Variants in PDE11A observed in about 807,000 individuals in gnomAD.
PDE11A encodes the protein phosphodiesterase 11A.
In PDE11A, 100 loss-of-function variants were observed where a neutral mutation model predicts 100.5. That is an observed-to-expected ratio of 1.00 (90% confidence interval 0.85 to 1.18). The LOEUF is 1.18. Ranked by LOEUF, PDE11A falls within the 50% of genes most tolerant of loss-of-function variation. The pLI is 0.00. For missense variants in PDE11A, 1,141 were observed against 1,152.6 expected, an observed-to-expected ratio of 0.99 and a Z score of 0.15; for synonymous variants, 381 against 420.8, an observed-to-expected ratio of 0.91 and a Z score of 1.16.
chr2:177,947,713 C>A (rs546068003), intron 2 of PDE11A, among the ~76,000 whole-genome samples: 1 of 151,178 alleles, frequency 6.6e-6, no homozygotes, highest in South Asian at 2.1e-4. Context: ...CACTATTGTC[C>A]CATGACCCTG....
At chr2:177,905,034 T>A (rs1329578806) in intron 3 of PDE11A, 64 bp downstream of exon 3, 2 of 875,410 alleles carry the variant, frequency 2.3e-6, no homozygotes, top group East Asian at 2.4e-5. Flanking sequence ...TTAAAAGACA[T>A]AATGACTTAC....
In PDE11A at chr2:177,929,975, G is replaced by A. The variant is rs182857555; in HGVS notation, c.1072-24788C>T. Among the ~76,000 whole-genome samples, 104 of 152,276 alleles carry A rather than the reference G, an allele frequency of 6.8e-4. 1 individual carries two copies. Among genetic ancestry groups the A allele is most frequent in the African/African-American group, 2.4e-3 (99 of 41,546 alleles). On this transcript the variant is annotated intron_variant, in intron 2 of 19. Coordinates refer to ENST00000286063, the MANE Select transcript of PDE11A (RefSeq NM_016953.4). ...CAAAATACACTCCCTGCCAAGTAAC[G>A]GCAATGAATCACCATTTACAAGTTT...
chr2:177,941,383 T>C (rs927718713), intron 2 of PDE11A, among the ~76,000 whole-genome samples: 19 of 152,142 alleles, frequency 1.2e-4, no homozygotes, highest in African/African-American at 4.6e-4. Context: ...CCCTTCCACA[T>C]CTTTTCCACC....
intron 2 of PDE11A, among the ~76,000 whole-genome samples, chr2:177,941,073 T>A (rs765912908): frequency 3.9e-5 from 6 of 152,198 alleles, no homozygotes; most frequent in Non-Finnish European, 7.3e-5. Flanking sequence ...AAAGCGCCTT[T>A]CTCAGCTTTC....
chr2:177,902,664 CT>C (rs1365121091), intron 3 of PDE11A, among the ~76,000 whole-genome samples: 1 of 152,290 alleles, frequency 6.6e-6, no homozygotes, highest in Non-Finnish European at 1.5e-5. Context: ...TTTAAATAGC[CT>C]TTATATGCTG....
chr2:177,723,082 T>C (rs1434051670), intron 12 of PDE11A: 1 of 152,142 alleles, frequency 6.6e-6, no homozygotes, highest in Non-Finnish European at 1.5e-5. Context: ...CTGTATTTCT[T>C]GGACAGGGAG....
chr2:177,716,652 A>T (rs2105433020), intron 12 of PDE11A, among the ~76,000 whole-genome samples: 1 of 152,338 alleles, frequency 6.6e-6, no homozygotes, highest in Non-Finnish European at 1.5e-5. Flanking sequence ...AAAGTCTATC[A>T]AGTATGAAAT....
intron 4 of PDE11A, among the ~76,000 whole-genome samples, chr2:177,893,571 ACTTCC>A (rs2084565254): frequency 6.6e-6 from 1 of 152,126 alleles, no homozygotes; most frequent in Admixed American, 6.5e-5. Flanking sequence ...GGACAGGGGG[ACTTCC>A]CTTAACCCCT....
chr2:177,834,646 G>C (rs1046405073), intron 6 of PDE11A, among the ~76,000 whole-genome samples: 5 of 152,132 alleles, frequency 3.3e-5, no homozygotes, highest in African/African-American at 4.8e-5. Context: ...TGGCCAAGGG[G>C]TCCAGCTCAG....
intron 2 of PDE11A, among the ~76,000 whole-genome samples, chr2:177,969,012 C>A (rs2085734523): frequency 6.6e-6 from 1 of 152,138 alleles, no homozygotes; most frequent in Non-Finnish European, 1.5e-5. Context: ...AGACTTGGAA[C>A]CAACCCAAAT....
At position 177,697,431 on chromosome 2, in the gene PDE11A, C is replaced by A; in HGVS notation, c.2246G>T (p.Gly749Val). Reference protein sequence around the residue: ...NHAVMILQSEGHNIFANLSSK... With the variant: ...NHAVMILQSEVHNIFANLSSK... ...GGACAGGTTAGCAAAGATATTGTGA[C>A]CCTGTAATGAGAAAGTAAAAAGTCA... The change falls in exon 15 of 20, where the codon GGT becomes GTT. Residue 749 changes from glycine (G) to valine (V), a missense_variant and splice_region_variant. Transcript: ENST00000286063. 1.4e-6 allele frequency: 2 copies of A among 1,470,938 alleles called. No homozygotes were observed. Among genetic ancestry groups the A allele is most frequent in the Non-Finnish European group, 1.9e-6 (2 of 1,049,642 alleles). 91.1% of individuals were successfully genotyped at this position (1,470,938 alleles called of 1,614,324 possible).
intron 5 of PDE11A, among the ~76,000 whole-genome samples, chr2:177,847,806 A>C (rs916942099): frequency 1.3e-5 from 2 of 152,260 alleles, no homozygotes; most frequent in African/African-American, 4.8e-5. Flanking sequence ...CGTTGTCACT[A>C]GTTTCCTATT....
chr2:178,042,089 T>C (rs2086689556), intron 1 of PDE11A, among the ~76,000 whole-genome samples: 1 of 152,232 alleles, frequency 6.6e-6, no homozygotes, highest in Non-Finnish European at 1.5e-5. Context: ...AAGAGGACAA[T>C]TAGTAAATGT....
chr2:178,072,887 C>CA, upstream of PDE11A: 1 of 1,132,638 alleles, frequency 8.8e-7, no homozygotes, highest in Non-Finnish European at 1.1e-6. Flanking sequence ...CCAGACCAGC[C>CA]AAAGTCCACG....
intron 6 of PDE11A, among the ~76,000 whole-genome samples, chr2:177,836,677 C>G (rs899003408): frequency 1.3e-5 from 2 of 152,192 alleles, no homozygotes; most frequent in East Asian, 3.9e-4. Context: ...TCTGCACTGC[C>G]TTTATGAGCT....
chr2:177,866,312 C>G (rs563773222), intron 5 of PDE11A, among the ~76,000 whole-genome samples: 1 of 152,176 alleles, frequency 6.6e-6, no homozygotes, highest in Admixed American at 6.5e-5. Flanking sequence ...GGGTCACTCC[C>G]GTGAAAGCAT....
chr2:178,067,469 C>G (rs1375522454), intron 1 of PDE11A, among the ~76,000 whole-genome samples: 1 of 152,168 alleles, frequency 6.6e-6, no homozygotes, highest in African/African-American at 2.4e-5. Context: ...AAACCACTCA[C>G]TCTCCCTTAT....
In PDE11A at chr2:177,816,142, T is replaced by C. The variant is rs570956553; in HGVS notation, c.1737+687A>G. Among the ~76,000 whole-genome samples the C allele has an allele frequency of 1.7e-4, 25 of 151,488 alleles. No individual in the cohort carries two copies. In the East Asian group the frequency reaches 1.9e-3, roughly 12 times the overall value. On this transcript the variant is annotated intron_variant, in intron 9 of 19. Transcript: ENST00000286063. ...AGGAGAATTGCTTGAACCCGGGAGG[T>C]AGAGGTTGCAGTGAGCCGAGATGGC...
At chr2:178,043,423 A>T (rs1042774099) in intron 1 of PDE11A, among the ~76,000 whole-genome samples, 11 of 152,210 alleles carry the variant, frequency 7.2e-5, no homozygotes, top group African/African-American at 2.4e-4. Flanking sequence ...GAGAAAGACA[A>T]CATAATCTGG....
Sources: allele counts gnomAD v4.1 joint callset (sites outside exome capture counted in the v4.1 genomes callset), GRCh38; gene constraint gnomAD v4.1.1; transcripts MANE v1.5; gene names NCBI Gene and HGNC (gene_info 2026-07-23, HGNC 2026-07-21).